Variants in RPS6KA5 observed in about 807,000 individuals in gnomAD.
RPS6KA5 encodes the protein ribosomal protein S6 kinase A5.
In RPS6KA5, 27 loss-of-function variants were observed where a neutral mutation model predicts 85.5. The observed-to-expected ratio is 0.32, with a 90% CI of 0.23 to 0.44. The LOEUF (loss-of-function observed/expected upper bound fraction) is 0.44, where lower values mean the gene tolerates loss of function less well. Ranked by LOEUF, RPS6KA5 falls within the 20% of genes least tolerant of loss-of-function variation. The pLI, the probability that RPS6KA5 is intolerant of heterozygous loss-of-function variation, is 1.00. For missense variants in RPS6KA5, 811 were observed against 980.9 expected (o/e 0.83, Z 2.31); for synonymous variants, 334 against 348.2 (o/e 0.96, Z 0.46).
chr14:91,035,512 G>C (rs1009762825), intron 1 of RPS6KA5, among the ~76,000 whole-genome samples: 23 of 152,052 alleles, frequency 1.5e-4, no homozygotes, highest in Non-Finnish European at 1.5e-4. Context: ...CCAGGAAACA[G>C]GTGTGATGGT....
rs1199053487 is a variant in RPS6KA5 at position 90,859,982 on chromosome 14, G to A, written c.*12092C>T. ...GTCGGGGGGTTGGGGGCTAGGGGAGGGATAACATTAGGAGAAATACCTAAT... is the reference window on the plus strand; with the variant it reads ...GTCGGGGGGTTGGGGGCTAGGGGAGAGATAACATTAGGAGAAATACCTAAT... On this transcript the variant is annotated 3_prime_UTR_variant, in exon 17 of 17. Coordinates refer to ENST00000614987, the MANE Select transcript of RPS6KA5 (RefSeq NM_004755.4). 6.6e-6 allele frequency: 1 copy of A among 151,992 alleles called. No homozygotes were observed. Among genetic ancestry groups the A allele is most frequent in the Non-Finnish European group, 1.5e-5 (1 of 68,004 alleles). The allele number at this position is 151,992 out of a possible 1,614,324, so 9.4% of individuals were successfully genotyped here. A position where few individuals can be genotyped will look rare whatever the true frequency, so the allele number is the denominator to read the frequency against.
At chr14:91,001,013 G>T in intron 2 of RPS6KA5, 75 bp downstream of exon 2, 1 of 804,322 alleles carries the variant, frequency 1.2e-6, no homozygotes, top group Non-Finnish European at 2.1e-6. Context: ...TTTCTGTATT[G>T]GGGATATCAA....
At chr14:90,985,057 C>T (rs926999695) in intron 2 of RPS6KA5, among the ~76,000 whole-genome samples, 6 of 152,096 alleles carry the variant, frequency 3.9e-5, no homozygotes, top group African/African-American at 1.4e-4. Flanking sequence ...TCTCCTACCT[C>T]AGCTTCCCAA....
intron 3 of RPS6KA5, among the ~76,000 whole-genome samples, chr14:90,965,379 A>C (rs935497675): frequency 1.3e-5 from 2 of 152,198 alleles, no homozygotes; most frequent in Admixed American, 6.5e-5. Context: ...GTCTCAACAA[A>C]AAAAAAGTTC....
At chr14:90,965,995 G>T (rs994704905) in intron 3 of RPS6KA5, among the ~76,000 whole-genome samples, 1 of 152,198 alleles carries the variant, frequency 6.6e-6, no homozygotes, top group Non-Finnish European at 1.5e-5. Flanking sequence ...GACTGATAAG[G>T]CCTAATGTGC....
At chr14:90,941,139 T>C (rs2037549455) in intron 5 of RPS6KA5, among the ~76,000 whole-genome samples, 1 of 152,190 alleles carries the variant, frequency 6.6e-6, no homozygotes. Context: ...TTGAAGCCTG[T>C]GGACCCCTTC....
rs965820298 is a variant in RPS6KA5, at chr14:90,851,889, A to G, written c.*20185T>C. Reference sequence around the variant, plus strand: ...CAAGAGGCTCACTGTACAAGGTCCAACTTTGCATCTAACTTCAACACACAG... The same window carrying G: ...CAAGAGGCTCACTGTACAAGGTCCAGCTTTGCATCTAACTTCAACACACAG... On this transcript the variant is annotated 3_prime_UTR_variant, in exon 17 of 17. Coordinates refer to ENST00000614987, the MANE Select transcript of RPS6KA5 (RefSeq NM_004755.4). The G allele has an allele frequency of 1.3e-5, 2 of 152,168 alleles. No individual in the cohort carries two copies. Among genetic ancestry groups the G allele is most frequent in the East Asian group, 1.9e-4 (1 of 5,196 alleles). 9.4% of individuals were successfully genotyped at this position (152,168 alleles called of 1,614,324 possible).
At chr14:90,894,085 A>C in intron 13 of RPS6KA5, 1 of 968,374 alleles carries the variant, frequency 1.0e-6, no homozygotes, top group Non-Finnish European at 1.2e-6. Context: ...CTAAAATTAT[A>C]TGTAAGAGAT....
At position 91,060,107 on chromosome 14, in the gene RPS6KA5, G is replaced by T. The variant is rs1465004976; in HGVS notation, c.103+225C>A. On this transcript the variant is annotated intron_variant, in intron 1 of 16. Coordinates refer to ENST00000614987, the MANE Select transcript of RPS6KA5 (RefSeq NM_004755.4). ...GCGCTGGCCCCGATGCCTGGTGCCC[G>T]CCGCTCATTCCCGGGCTGGGGAAAA... The T allele has an allele frequency of 6.1e-6, 6 of 985,240 alleles. No homozygotes were observed. The Admixed American group carries it at 3.7e-4, about 61-fold the overall frequency. The allele number at this position is 985,240 out of a possible 1,614,324, so 61.0% of individuals were successfully genotyped here.
chr14:90,983,112 CAAAA>C (rs71117392), intron 2 of RPS6KA5, among the ~76,000 whole-genome samples: 1 of 137,250 alleles, frequency 7.3e-6, no homozygotes, highest in African/African-American at 2.7e-5. Flanking sequence ...GATTCCATCT[CAAAA>C]AAAAAAAAAA....
At chr14:90,951,115 T>C (rs1420558516) in intron 3 of RPS6KA5, among the ~76,000 whole-genome samples, 1 of 75,752 alleles carries the variant, frequency 1.3e-5, no homozygotes. Flanking sequence ...AGAGACTCAG[T>C]CTCAAAAAAA....
intron 14 of RPS6KA5, among the ~76,000 whole-genome samples, chr14:90,882,064 C>A (rs889748678): frequency 2.0e-5 from 3 of 152,110 alleles, no homozygotes; most frequent in Non-Finnish European, 4.4e-5. Context: ...CCTTCATATT[C>A]TGCATTACTG....
intron 3 of RPS6KA5, among the ~76,000 whole-genome samples, chr14:90,967,382 T>C (rs947516343): frequency 6.6e-6 from 1 of 152,116 alleles, no homozygotes; most frequent in African/African-American, 2.4e-5. Context: ...GAGCCAGGCA[T>C]ACAGTAGGCA....
At chr14:90,991,763 A>G (rs1404018586) in intron 2 of RPS6KA5, among the ~76,000 whole-genome samples, 3 of 151,844 alleles carry the variant, frequency 2.0e-5, no homozygotes, top group Admixed American at 2.0e-4. Flanking sequence ...AAGAATCCAA[A>G]AAGAATCCAA....
intron 3 of RPS6KA5, among the ~76,000 whole-genome samples, chr14:90,956,603 CT>C (rs979650917): frequency 6.6e-6 from 1 of 151,006 alleles, no homozygotes; most frequent in Non-Finnish European, 1.5e-5. Context: ...TTTCTTTATC[CT>C]TTTTTTGTTA....
At chr14:91,049,741 C>A (rs1165056843) in intron 1 of RPS6KA5, among the ~76,000 whole-genome samples, 2 of 152,220 alleles carry the variant, frequency 1.3e-5, no homozygotes, top group African/African-American at 4.8e-5. Flanking sequence ...TAGGTGATTT[C>A]ATGGTTGCAC....
chr14:90,931,035 T>A (rs1158726690), intron 5 of RPS6KA5, among the ~76,000 whole-genome samples: 2 of 152,244 alleles, frequency 1.3e-5, no homozygotes, highest in Admixed American at 1.3e-4. Flanking sequence ...ATCCCCCTTG[T>A]GGGTATATAT....
intron 7 of RPS6KA5, among the ~76,000 whole-genome samples, chr14:90,909,833 C>A (rs1255816026): frequency 6.6e-6 from 1 of 152,070 alleles, no homozygotes; most frequent in Non-Finnish European, 1.5e-5. Context: ...CGCTCTGTTG[C>A]CAGGTTGGAG....
chr14:90,861,972 A>G lies in RPS6KA5; in HGVS notation c.*10102T>C, dbSNP rs1280887585. On this transcript the variant is annotated 3_prime_UTR_variant, in exon 17 of 17. Coordinates refer to ENST00000614987, the MANE Select transcript of RPS6KA5 (RefSeq NM_004755.4). ...ATTGTTGGGAAGTGGTAATGTACCA[A>G]TTTAAGGCAGCAAGTCAAAGATACA... The G allele has an allele frequency of 2.0e-5, 3 of 152,170 alleles. No individual in the cohort carries two copies. Among genetic ancestry groups the G allele is most frequent in the Non-Finnish European group, 1.5e-5 (1 of 68,030 alleles). 9.4% of individuals were successfully genotyped at this position (152,170 alleles called of 1,614,324 possible).
Sources: gnomAD v4.1 joint callset for allele counts (sites outside exome capture counted in the v4.1 genomes callset) on GRCh38, gnomAD v4.1.1 for gene constraint, MANE v1.5 for transcripts, NCBI Gene and HGNC (gene_info 2026-07-23, HGNC 2026-07-21) for gene names.